GNA14: variants seen among roughly 807,000 people sequenced by gnomAD.
GNA14 encodes the protein G protein subunit alpha 14, also known as guanine nucleotide-binding protein subunit alpha-14.
A neutral mutation model predicts 42.0 loss-of-function variants in GNA14; 50 were observed. That is an observed-to-expected ratio of 1.19 (90% confidence interval 0.95 to 1.51). The LOEUF (loss-of-function observed/expected upper bound fraction) is 1.51, where lower values mean the gene tolerates loss of function less well. GNA14 is among the 40% of genes most tolerant of loss of function. The pLI, the probability that GNA14 is intolerant of heterozygous loss-of-function variation, is 0.00. For missense variants in GNA14, 473 were observed against 446.2 expected (o/e 1.06, Z -0.54); for synonymous variants, 173 against 163.1 (o/e 1.06, Z -0.46).
chr9:77,625,628 C>T (rs1824001416), intron 1 of GNA14, among the ~76,000 whole-genome samples: 1 of 152,128 alleles, frequency 6.6e-6, no homozygotes, highest in Non-Finnish European at 1.5e-5. Flanking sequence ...TCATATCCAG[C>T]CAAACTAAGC....
chr9:77,586,838 A>G (rs562702493), intron 1 of GNA14, among the ~76,000 whole-genome samples: 74 of 152,330 alleles, frequency 4.9e-4, no homozygotes, highest in African/African-American at 1.8e-3. Context: ...AGTTGACCGA[A>G]AAAGGAAGAT....
intron 4 of GNA14, among the ~76,000 whole-genome samples, chr9:77,430,043 T>G (rs192151651): frequency 3.3e-5 from 5 of 152,100 alleles, no homozygotes; most frequent in Non-Finnish European, 7.4e-5. Flanking sequence ...AATGAAAAAT[T>G]CAATACTGTT....
chr9:77,447,108 C>T (rs1396219520), intron 2 of GNA14, among the ~76,000 whole-genome samples: 2 of 152,058 alleles, frequency 1.3e-5, no homozygotes, highest in Non-Finnish European at 2.9e-5. Context: ...GGATTACAGG[C>T]ACACACCACC....
intron 1 of GNA14, among the ~76,000 whole-genome samples, chr9:77,615,153 C>T (rs1823790299): frequency 6.6e-6 from 1 of 152,194 alleles, no homozygotes; most frequent in Admixed American, 6.5e-5. Context: ...AACAGCAGCA[C>T]TGTCATGGAG....
At chr9:77,511,198 C>T (rs1587808602) in intron 2 of GNA14, among the ~76,000 whole-genome samples, 1 of 152,058 alleles carries the variant, frequency 6.6e-6, no homozygotes, top group South Asian at 2.1e-4. Context: ...TCCTCCATTC[C>T]CCCTATAGTT....
At chr9:77,606,356 C>A (rs1292179262) in intron 1 of GNA14, among the ~76,000 whole-genome samples, 1 of 152,106 alleles carries the variant, frequency 6.6e-6, no homozygotes, top group African/African-American at 2.4e-5. Flanking sequence ...TAAAGTCAAG[C>A]AACATTTCTC....
intron 1 of GNA14, among the ~76,000 whole-genome samples, chr9:77,624,076 G>A (rs1023229725): frequency 2.6e-5 from 4 of 152,162 alleles, no homozygotes; most frequent in Non-Finnish European, 4.4e-5. Flanking sequence ...ACTCAAGCTT[G>A]CTGGGAGGGA....
chr9:77,616,445 G>C (rs1587849088), intron 1 of GNA14, among the ~76,000 whole-genome samples: 1 of 152,328 alleles, frequency 6.6e-6, no homozygotes, highest in East Asian at 1.9e-4. Context: ...CTTATTATGT[G>C]CTGAGTAGAG....
At chr9:77,622,786 T>C (rs1345176334) in intron 1 of GNA14, among the ~76,000 whole-genome samples, 1 of 143,996 alleles carries the variant, frequency 6.9e-6, no homozygotes, top group African/African-American at 2.6e-5. Flanking sequence ...CCCAAATGCT[T>C]GGGAGGCTGA....
chr9:77,582,532 T>C (rs569944046), intron 1 of GNA14, among the ~76,000 whole-genome samples: 8 of 152,352 alleles, frequency 5.3e-5, no homozygotes, highest in African/African-American at 1.9e-4. Flanking sequence ...TCAACGACAA[T>C]TTGCATGCCC....
At chr9:77,452,619 ATGTATATGTGTGCG>A (rs1835929610) in intron 2 of GNA14, among the ~76,000 whole-genome samples, 1 of 450 alleles carries the variant, frequency 2.2e-3, no homozygotes. Context: ...ATGTGTGTGT[ATGTATATGTGTGCG>A]GTGTGTGTGT....
At chr9:77,584,316 A>G (rs1254090043) in intron 1 of GNA14, among the ~76,000 whole-genome samples, 1 of 152,226 alleles carries the variant, frequency 6.6e-6, no homozygotes, top group African/African-American at 2.4e-5. Context: ...AAAATAGTAT[A>G]TGCTTATGAT....
intron 2 of GNA14, among the ~76,000 whole-genome samples, chr9:77,458,653 T>G (rs2131709464): frequency 6.6e-6 from 1 of 152,328 alleles, no homozygotes; most frequent in South Asian, 2.1e-4. Context: ...CTCTTCTCAA[T>G]TTACTGTACT....
intron 2 of GNA14, among the ~76,000 whole-genome samples, chr9:77,437,438 C>T (rs1012936499): frequency 2.6e-5 from 4 of 151,930 alleles, no homozygotes; most frequent in Admixed American, 6.6e-5. Context: ...CCCAGCTACT[C>T]GGGAGGCTGA....
chr9:77,461,601 C>T (rs7031636), intron 2 of GNA14, among the ~76,000 whole-genome samples: 62,649 of 151,926 alleles, frequency 0.41, 16,396 homozygotes, highest in African/African-American at 0.75. Flanking sequence ...GGATCCTATA[C>T]CATGATCCTA....
chr9:77,634,224 A>G (rs1824142092), intron 1 of GNA14, among the ~76,000 whole-genome samples: 1 of 152,010 alleles, frequency 6.6e-6, no homozygotes. Context: ...GTTCAAGACC[A>G]GCCTGGGCAA....
chr9:77,612,126 A>C (rs75611187), intron 1 of GNA14, among the ~76,000 whole-genome samples: 4,027 of 152,304 alleles, frequency 0.026, 152 homozygotes, highest in African/African-American at 0.08. Flanking sequence ...TTTACAAATA[A>C]GGAAATAAAT....
At chr9:77,505,272 T>C (rs1025309614) in intron 2 of GNA14, among the ~76,000 whole-genome samples, 1 of 152,234 alleles carries the variant, frequency 6.6e-6, no homozygotes, top group Non-Finnish European at 1.5e-5. Context: ...TCTGCATTTG[T>C]TATCTTTCAA....
chr9:77,532,120 A>C lies in GNA14; in HGVS notation c.125-2867T>G, dbSNP rs146779706. ...AGCCTCAGCATCACCCAGCTAGTGTATTTTTTTTTTCCAGAAGGGAAATGG... is the reference window on the plus strand; with the variant it reads ...AGCCTCAGCATCACCCAGCTAGTGTCTTTTTTTTTTCCAGAAGGGAAATGG... On this transcript the variant is annotated intron_variant, in intron 1 of 6. Coordinates refer to ENST00000341700, the MANE Select transcript of GNA14 (RefSeq NM_004297.4). Among the ~76,000 whole-genome samples, 85 of 150,028 alleles carry C rather than the reference A, an allele frequency of 5.7e-4. 1 individual carries two copies. Among genetic ancestry groups the C allele is most frequent in the African/African-American group, 2.0e-3 (83 of 40,926 alleles).
Sources: allele counts gnomAD v4.1 joint callset (sites outside exome capture counted in the v4.1 genomes callset), GRCh38; gene constraint gnomAD v4.1.1; transcripts MANE v1.5; gene names NCBI Gene and HGNC (gene_info 2026-07-23, HGNC 2026-07-21).